Variants in YIPF7 observed in about 807,000 individuals in gnomAD.
YIPF7 encodes the protein Yip1 domain family member 7, also known as protein YIPF7.
YIPF7 carries 35 observed loss-of-function variants against 27.2 expected under a neutral mutation model. The ratio of observed to expected loss-of-function variants is 1.29; its 90% CI spans 0.98 to 1.70. The LOEUF is 1.70. YIPF7 is among the 40% of genes most tolerant of loss of function. The pLI, the probability that YIPF7 is intolerant of heterozygous loss-of-function variation, is 0.00. For missense variants in YIPF7, 358 were observed against 303.7 expected (o/e 1.18, Z -1.33); for synonymous variants, 137 against 110.4 (o/e 1.24, Z -1.51).
Position 44,622,485 on chromosome 4 carries a change from C to T in YIPF7, c.700G>A (p.Gly234Arg), listed in dbSNP as rs750043407. ...GGGTAGGCAACAAGAAGCTGCTGTC[C>T]TTCCATGTGCAAGGCTGCAATGAAG... is the stretch of plus-strand genomic sequence containing the variant. ...KIFIAALHMEGQQLLVAYPCA... is the reference protein window; with the variant it reads ...KIFIAALHMERQQLLVAYPCA... The change falls in exon 6 of 6, where the codon GGA becomes AGA. Residue 234 changes from glycine (G) to arginine (R), a missense_variant. Physicochemically the swap from Gly to Arg is moderately radical, Grantham distance 125. Coordinates refer to ENST00000415895, the MANE Select transcript of YIPF7 (RefSeq NM_182592.3). The T allele has an allele frequency of 1.6e-5, 26 of 1,613,768 alleles. No homozygotes were observed. The highest frequency in any genetic ancestry group is 1.9e-5 in the Non-Finnish European group (23 of 1,179,848).
chr4:44,650,543 G>A (rs1035308829), intron 1 of YIPF7, among the ~76,000 whole-genome samples: 1 of 145,614 alleles, frequency 6.9e-6, no homozygotes, highest in Non-Finnish European at 1.5e-5. Context: ...TTGTACCAAG[G>A]ATTATTATCT....
At chr4:44,633,680 C>T (rs1216530808) in intron 3 of YIPF7, among the ~76,000 whole-genome samples, 5 of 150,790 alleles carry the variant, frequency 3.3e-5, no homozygotes, top group Admixed American at 2.6e-4. Flanking sequence ...TAATATGTCC[C>T]AAAGACCCAT....
Position 44,650,037 on chromosome 4 carries a change from C to A in YIPF7, c.64G>T (p.Glu22Ter). 1 of 1,590,982 alleles carries A rather than the reference C, an allele frequency of 6.3e-7. No individual in the cohort carries two copies. Residue 22 changes from glutamate to a stop codon, truncating the protein, a stop_gained, in exon 2 of 6, where the codon GAG becomes TAG. Coordinates refer to ENST00000415895, the MANE Select transcript of YIPF7 (RefSeq NM_182592.3). LOFTEE classifies it high-confidence loss of function. ...GCATTAGAGTCATTACCACTCTGCT[C>A]CTGGTTATCAATAGTAAAATTAGAT... ...YQSNFTIDNQ[E>*]QSGNDSNAYG...
intron 2 of YIPF7, among the ~76,000 whole-genome samples, chr4:44,660,127 A>AAAAAAAAAAAAAAAAAAC (rs1560332846): frequency 6.8e-6 from 1 of 146,684 alleles, no homozygotes; most frequent in African/African-American, 2.5e-5. Flanking sequence ...AAAAAAAAAA[A>AAAAAAAAAAAAAAAAAAC]AAAAAAAAAC....
intron 2 of YIPF7, among the ~76,000 whole-genome samples, chr4:44,647,940 A>G (rs1055309736): frequency 2.0e-5 from 3 of 152,122 alleles, no homozygotes; most frequent in Admixed American, 2.0e-4. Context: ...TACATTTGAA[A>G]TATACCACAT....
At position 44,622,583 on chromosome 4, in the gene YIPF7, C is replaced by G; in HGVS notation, c.609-7G>C. ...CATGATTCCAAAGATGCCCCTGCAG[C>G]AAAGACAAAGAAATGATTGCCTGTG... On this transcript the variant is annotated splice_polypyrimidine_tract_variant and splice_region_variant and intron_variant, in intron 5 of 5. Transcript: ENST00000415895. 6.2e-7 allele frequency: 1 copy of G among 1,611,406 alleles called. No homozygotes were observed. Among genetic ancestry groups the G allele is most frequent in the Non-Finnish European group, 8.5e-7 (1 of 1,179,102 alleles).
intron 2 of YIPF7, among the ~76,000 whole-genome samples, chr4:44,639,112 G>T (rs1231324049): frequency 6.6e-6 from 1 of 152,076 alleles, no homozygotes; most frequent in East Asian, 1.9e-4. Flanking sequence ...ATAATTTCAG[G>T]TCAGGTAATG....
chr4:44,636,429 C>T (rs1233456275), intron 2 of YIPF7, among the ~76,000 whole-genome samples: 1 of 152,144 alleles, frequency 6.6e-6, no homozygotes, highest in African/African-American at 2.4e-5. Flanking sequence ...GACTAAACGA[C>T]TTGTCCAGTA....
chr4:44,629,438 G>C lies in YIPF7; in HGVS notation c.391C>G (p.Leu131Val), dbSNP rs1436347368. 1.3e-6 allele frequency: 2 copies of C among 1,599,218 alleles called. No homozygotes were observed. The highest frequency in any genetic ancestry group is 4.5e-5 in the East Asian group (2 of 44,222). The part of the protein sequence containing the change: ...MNETDLTGPI[L>V]FCVALGATLL... Reference sequence around the variant, plus strand: ...GTGGCTCCCAGGGCTACGCAAAAAAGAATGGGTCCAGTGAGGTCCGTTTCA... The same window carrying C: ...GTGGCTCCCAGGGCTACGCAAAAAACAATGGGTCCAGTGAGGTCCGTTTCA... The change falls in exon 4 of 6, where the codon CTT becomes GTT. Residue 131 changes from leucine to valine, a missense_variant. Coordinates refer to ENST00000415895, the MANE Select transcript of YIPF7 (RefSeq NM_182592.3).
At chr4:44,654,241 T>C (rs1211789642), upstream of YIPF7, among the ~76,000 whole-genome samples, 3 of 152,086 alleles carry the variant, frequency 2.0e-5, no homozygotes, top group Non-Finnish European at 2.9e-5. Context: ...CTGTAGCACA[T>C]GTTGAAGAAC....
At chr4:44,645,957 T>C (rs1486383684) in intron 2 of YIPF7, among the ~76,000 whole-genome samples, 1 of 152,216 alleles carries the variant, frequency 6.6e-6, no homozygotes, top group African/African-American at 2.4e-5. Context: ...ATAATAGTCA[T>C]GTCTTGGAGA....
At chr4:44,654,015 C>T (rs551159121), upstream of YIPF7, among the ~76,000 whole-genome samples, 11 of 152,040 alleles carry the variant, frequency 7.2e-5, no homozygotes, top group South Asian at 2.1e-4. Flanking sequence ...AATATATGGA[C>T]TGAAAATGGC....
At chr4:44,628,367 T>A (rs1247000149) in intron 4 of YIPF7, among the ~76,000 whole-genome samples, 1 of 149,550 alleles carries the variant, frequency 6.7e-6, no homozygotes, top group Non-Finnish European at 1.5e-5. Flanking sequence ...GAATTTTATT[T>A]AGTTGCAAAT....
chr4:44,639,669 A>G (rs1034720864), intron 2 of YIPF7, among the ~76,000 whole-genome samples: 1 of 152,058 alleles, frequency 6.6e-6, no homozygotes, highest in African/African-American at 2.4e-5. Flanking sequence ...ACCAATTTGG[A>G]TGGCTTTTAT....
intron 3 of YIPF7, among the ~76,000 whole-genome samples, chr4:44,634,608 C>A (rs1713040998): frequency 6.6e-6 from 1 of 151,854 alleles, no homozygotes; most frequent in South Asian, 2.1e-4. Flanking sequence ...CATATATATT[C>A]ATTGAAAAAA....
rs1713531032 is a variant in YIPF7, at chr4:44,646,555, G to C, written c.116+3430C>G. Among the ~76,000 whole-genome samples the C allele has an allele frequency of 2.0e-5, 3 of 152,114 alleles. No individual in the cohort carries two copies. The South Asian group carries it at 6.2e-4, about 32-fold the overall frequency. ...ATGAATAGATTTCACATTTCAAAAG[G>C]TGGAAAAATATAGCCTCAGTGACTA... On this transcript the variant is annotated intron_variant, in intron 2 of 5. Transcript: ENST00000415895.
At position 44,624,710 on chromosome 4, in the gene YIPF7, T is replaced by C. The variant is rs376874064; in HGVS notation, c.499A>G (p.Asn167Asp). The C allele has an allele frequency of 2.1e-5, 34 of 1,610,958 alleles. No individual in the cohort carries two copies. The African/African-American group carries it at 4.4e-4, about 21-fold the overall frequency. The change falls in exon 5 of 6, where the codon AAC becomes GAC. Residue 167 changes from asparagine (N) to aspartate (D), a missense_variant. Transcript: ENST00000415895. ...GACACCCCTGAAGAGCTCATCAGGTTCAGCAAGGCATGAATCACAAGGCAG... is the reference window on the plus strand; with the variant it reads ...GACACCCCTGAAGAGCTCATCAGGTCCAGCAAGGCATGAATCACAAGGCAG... ...IGCLVIHALL[N>D]LMSSSGVSYG... is the part of the protein sequence containing the mutation.
chr4:44,660,130 A>AAAAAAAAAAAAAAAAAAAAAAAC, intron 2 of YIPF7, among the ~76,000 whole-genome samples: 1 of 147,286 alleles, frequency 6.8e-6, no homozygotes. Context: ...AAAAAAAAAA[A>AAAAAAAAAAAAAAAAAAAAAAAC]AAAAAACGAA....
chr4:44,622,280 C>T lies in YIPF7; in HGVS notation c.*134G>A. On this transcript the variant is annotated 3_prime_UTR_variant, in exon 6 of 6. Transcript: ENST00000415895. ...GCTATTAGAGCACCACCCTTAAGTG[C>T]TGCTTTGTCTCTCTGCTTATTACTC... is the stretch of plus-strand genomic sequence containing the variant. The T allele has an allele frequency of 8.8e-7, 1 of 1,133,444 alleles. No homozygotes were observed. Among genetic ancestry groups the T allele is most frequent in the Non-Finnish European group, 1.2e-6 (1 of 810,050 alleles). 70.2% of individuals were successfully genotyped at this position (1,133,444 alleles called of 1,614,324 possible).
Sources: allele counts gnomAD v4.1 joint callset (sites outside exome capture counted in the v4.1 genomes callset), GRCh38; gene constraint gnomAD v4.1.1; transcripts MANE v1.5; gene names NCBI Gene and HGNC (gene_info 2026-07-23, HGNC 2026-07-21).